PCNX2: variants seen among roughly 807,000 people sequenced by gnomAD.
PCNX2 encodes pecanex 2, also known as pecanex-like protein 2.
A neutral mutation model predicts 223.8 loss-of-function variants in PCNX2; 168 were observed. That is an observed-to-expected ratio of 0.75 (90% CI 0.66 to 0.85). The LOEUF is 0.85. Among genes scored for constraint, PCNX2 ranks in the 40% least tolerant of loss-of-function variants. PCNX2 has a pLI of 0.00. For missense variants in PCNX2, 2,507 were observed against 2,675.5 expected (o/e 0.94, Z 1.39); for synonymous variants, 1,006 against 1,052.6 (o/e 0.96, Z 0.86).
At chr1:233,243,553 TTTA>T (rs1658913694) in intron 8 of PCNX2, among the ~76,000 whole-genome samples, 1 of 152,258 alleles carries the variant, frequency 6.6e-6, no homozygotes, top group Non-Finnish European at 1.5e-5. Context: ...ACAACAGGTA[TTTA>T]AGGGGAATGC....
At chr1:233,275,046 A>T (rs900345681) in intron 1 of PCNX2, among the ~76,000 whole-genome samples, 1 of 152,258 alleles carries the variant, frequency 6.6e-6, no homozygotes, top group Admixed American at 6.5e-5. Flanking sequence ...TGTGAAACAT[A>T]TACTGATTTT....
the PCNX2 span, among the ~76,000 whole-genome samples, chr1:233,324,313 T>C: frequency 7.2e-5 from 11 of 152,208 alleles, no homozygotes; most frequent in Non-Finnish European, 1.3e-4. Context: ...GTGGATACAC[T>C]AAACAATAGA....
intron 25 of PCNX2, among the ~76,000 whole-genome samples, chr1:233,027,416 A>C (rs1183547482): frequency 6.6e-6 from 1 of 152,222 alleles, no homozygotes; most frequent in Non-Finnish European, 1.5e-5. Context: ...ACCTTATTGC[A>C]CAGGCTAGGA....
At chr1:233,304,326 T>G in the PCNX2 span, among the ~76,000 whole-genome samples, 2 of 152,248 alleles carry the variant, frequency 1.3e-5, no homozygotes, top group East Asian at 3.9e-4. Context: ...AGAACACAAC[T>G]GAAAGAATGT....
intron 28 of PCNX2, among the ~76,000 whole-genome samples, chr1:233,005,965 TATC>T (rs1178049757): frequency 6.6e-6 from 1 of 152,096 alleles, no homozygotes; most frequent in Non-Finnish European, 1.5e-5. Flanking sequence ...CAGGTCATCT[TATC>T]ATAGTCGGTC....
At chr1:233,118,009 C>CAAAAA (rs35266392) in intron 21 of PCNX2, among the ~76,000 whole-genome samples, 1 of 115,416 alleles carries the variant, frequency 8.7e-6, no homozygotes. Context: ...GACTCCGTCT[C>CAAAAA]AAAAAAAAAA....
chr1:233,148,574 G>C (rs891249250), intron 19 of PCNX2, among the ~76,000 whole-genome samples: 1 of 151,758 alleles, frequency 6.6e-6, no homozygotes, highest in Admixed American at 6.6e-5. Context: ...CTAATTTTTT[G>C]TATTTTTAGG....
At chr1:233,026,457 T>C (rs1172182763) in intron 25 of PCNX2, among the ~76,000 whole-genome samples, 1 of 152,180 alleles carries the variant, frequency 6.6e-6, no homozygotes, top group Non-Finnish European at 1.5e-5. Flanking sequence ...GTCTGACTTA[T>C]GTCTTAGGAG....
In PCNX2 at chr1:233,177,784, A is replaced by T; in HGVS notation, c.3273+18T>A. On this transcript the variant is annotated intron_variant, in intron 17 of 33. Transcript: ENST00000258229. The stretch of plus-strand genomic sequence containing the variant: ...ATGAGGCCCTCCTATGCTACATTAC[A>T]CAACGCAAATGTCTCACCACTGAAT... The T allele has an allele frequency of 6.3e-7, 1 of 1,597,558 alleles. No individual in the cohort carries two copies. The highest frequency in any genetic ancestry group is 1.3e-5 in the African/African-American group (1 of 74,638).
Position 233,112,826 on chromosome 1 carries a change from A to AG in PCNX2, c.3838-16964dup, listed in dbSNP as rs1269268917. On this transcript the variant is annotated intron_variant, in intron 21 of 33. Coordinates refer to ENST00000258229, the MANE Select transcript of PCNX2 (RefSeq NM_014801.4). The stretch of plus-strand genomic sequence containing the variant: ...GCTAGGCTTGATGTCCCAAATGGGG[A>AG]GAAAAAGCTGACTCTTACTTTGAAG... 2.0e-5 allele frequency: 25 copies of AG among 1,264,960 alleles called. No homozygotes were observed. The African/African-American group carries it at 3.7e-4, about 19-fold the overall frequency. 78.4% of individuals were successfully genotyped at this position (1,264,960 alleles called of 1,614,324 possible).
At chr1:233,137,651 A>G (rs1463009128) in intron 20 of PCNX2, among the ~76,000 whole-genome samples, 2 of 152,210 alleles carry the variant, frequency 1.3e-5, no homozygotes, top group African/African-American at 4.8e-5. Flanking sequence ...ACAGTTTTCA[A>G]GAACTTATCC....
chr1:233,170,752 A>C (rs556487082), intron 17 of PCNX2, among the ~76,000 whole-genome samples: 37 of 152,284 alleles, frequency 2.4e-4, no homozygotes, highest in African/African-American at 8.7e-4. Flanking sequence ...ATGACATATT[A>C]GTCCAATTTC....
In PCNX2 at chr1:233,258,067, C is replaced by T. The variant is rs143994110; in HGVS notation, c.1795G>A (p.Gly599Ser). The T allele has an allele frequency of 1.1e-5, 17 of 1,613,982 alleles. No homozygotes were observed. Among genetic ancestry groups the T allele is most frequent in the Non-Finnish European group, 1.4e-5 (17 of 1,179,846 alleles). The part of the protein sequence containing the change: ...SKMTASSQLN[G>S]SAEQNEESGL... Reference sequence around the variant, plus strand: ...CTTTCTTCATTCTGCTCAGCTGAGCCATTCAGTTGACTGGATGCCGTCATC... The same window carrying T: ...CTTTCTTCATTCTGCTCAGCTGAGCTATTCAGTTGACTGGATGCCGTCATC... The change falls in exon 5 of 34, where the codon GGC becomes AGC. Residue 599 changes from glycine to serine, a missense_variant. This residue lies in a region of PCNX2 where 1,031 missense variants were observed against 1,021.7 expected (regional missense o/e 1.01). Coordinates refer to ENST00000258229, the MANE Select transcript of PCNX2 (RefSeq NM_014801.4).
intron 1 of PCNX2, among the ~76,000 whole-genome samples, chr1:233,275,321 G>T (rs1219499297): frequency 6.6e-6 from 1 of 152,008 alleles, no homozygotes; most frequent in Admixed American, 6.6e-5. Flanking sequence ...TCCTGCTTCA[G>T]CCTCCTGGGT....
rs150825677 is a variant in PCNX2 at position 233,082,639 on chromosome 1, C to T, written c.4076+7422G>A. Among the ~76,000 whole-genome samples the T allele has an allele frequency of 4.2e-4, 64 of 152,230 alleles. 1 individual carries two copies. The East Asian group carries it at 0.01, about 24-fold the overall frequency. On this transcript the variant is annotated intron_variant, in intron 23 of 33. Transcript: ENST00000258229. ...CTATTAACCCATAAGCCAGAATAAG[C>T]GGCCTGCTTTGTACTTAAGAAAAAA... is the stretch of plus-strand genomic sequence containing the variant.
At position 233,007,871 on chromosome 1, in the gene PCNX2, G is replaced by T. The variant is rs558305451; in HGVS notation, c.4953-6190C>A. ...TTTTTGTATTTTTAGTAGAGACAGG[G>T]TTTCACCACATTGGCCAGGCTAGTC... is the stretch of plus-strand genomic sequence containing the variant. On this transcript the variant is annotated intron_variant, in intron 28 of 33. Coordinates refer to ENST00000258229, the MANE Select transcript of PCNX2 (RefSeq NM_014801.4). 3.9e-5 allele frequency among the ~76,000 whole-genome samples: 6 copies of T among 152,026 alleles called. No individual in the cohort carries two copies. In the South Asian group the frequency reaches 1.2e-3, roughly 32 times the overall value.
the PCNX2 span, among the ~76,000 whole-genome samples, chr1:233,313,288 T>C: frequency 1.3e-5 from 2 of 152,116 alleles, no homozygotes; most frequent in Non-Finnish European, 2.9e-5. Flanking sequence ...TATGAATAAA[T>C]AAGCAAAGAA....
chr1:233,189,752 T>A (rs978540723), intron 15 of PCNX2, among the ~76,000 whole-genome samples: 1 of 152,176 alleles, frequency 6.6e-6, no homozygotes, highest in Non-Finnish European at 1.5e-5. Context: ...TGCTTCAACC[T>A]CTGGATCCCC....
chr1:233,041,958 A>G (rs567354983), intron 25 of PCNX2, among the ~76,000 whole-genome samples: 1 of 152,334 alleles, frequency 6.6e-6, no homozygotes, highest in Non-Finnish European at 1.5e-5. Context: ...GCACAGAATT[A>G]TTAAAAATAT....
Sources: allele counts gnomAD v4.1 joint callset (sites outside exome capture counted in the v4.1 genomes callset), GRCh38; gene constraint gnomAD v4.1.1; regional missense constraint gnomAD v4.1.1; transcripts MANE v1.5; gene names NCBI Gene and HGNC (gene_info 2026-07-23, HGNC 2026-07-21).